GNB5: variants seen among roughly 807,000 people sequenced by gnomAD.
The protein encoded by GNB5 is G protein subunit beta 5.
A neutral mutation model predicts 55.3 loss-of-function variants in GNB5; 37 were observed. The ratio of observed to expected loss-of-function variants is 0.67; its 90% CI spans 0.51 to 0.88. GNB5 has a LOEUF of 0.88. Among genes scored for constraint, GNB5 ranks in the 40% least tolerant of loss-of-function variants. The probability of loss-of-function intolerance (pLI) is 0.00; values close to 1 mark genes in which losing one functional copy is unlikely to be tolerated. For synonymous variants in GNB5, 219 were observed against 198.5 expected (o/e 1.10, Z -0.87); for missense variants, 476 against 515.3 (o/e 0.92, Z 0.74).
intron 6 of GNB5, chr15:52,147,055 G>A (rs951465366): frequency 5.8e-6 from 1 of 173,040 alleles, no homozygotes; most frequent in South Asian, 1.3e-4. Context: ...CAAAATGTTT[G>A]CAACGTTTAT....
intron 5 of GNB5, 163 bp downstream of exon 5, chr15:52,149,721 T>A: frequency 1.4e-6 from 1 of 708,816 alleles, no homozygotes; most frequent in Non-Finnish European, 2.6e-6. Context: ...GGCTGAGCTG[T>A]TCAAACACGG....
chr15:52,150,216 G>A (rs913656644), intron 4 of GNB5, among the ~76,000 whole-genome samples: 1 of 152,120 alleles, frequency 6.6e-6, no homozygotes, highest in Non-Finnish European at 1.5e-5. Context: ...TGCAAACCAC[G>A]CACAAATTGT....
In GNB5 at chr15:52,154,688, A is replaced by G. The variant is rs556530346; in HGVS notation, c.239-612T>C. ...CTGTGTGCCTAGCACTGGCCTGGAC[A>G]TGGCAGGTTCCTCATACACATGGCG... On this transcript the variant is annotated intron_variant, in intron 3 of 12. Coordinates refer to ENST00000261837, the MANE Select transcript of GNB5 (RefSeq NM_016194.4). 2.6e-5 allele frequency among the ~76,000 whole-genome samples: 4 copies of G among 152,348 alleles called. No individual in the cohort carries two copies. In the South Asian group the frequency reaches 6.2e-4, roughly 24 times the overall value.
chr15:52,160,140 G>A (rs569271145), intron 3 of GNB5, among the ~76,000 whole-genome samples: 33 of 152,164 alleles, frequency 2.2e-4, no homozygotes, highest in African/African-American at 7.9e-4. Flanking sequence ...TAGAGATGGG[G>A]TTGCACCATG....
rs1194924461 is a variant in GNB5 at position 52,184,464 on chromosome 15, G to C, written c.126+87C>G. On this transcript the variant is annotated intron_variant, in intron 2 of 12. Coordinates refer to ENST00000261837, the MANE Select transcript of GNB5 (RefSeq NM_016194.4). The stretch of plus-strand genomic sequence containing the variant: ...ATACTGAAAAGTGTGTGTTATATAA[G>C]CTGATTCTATGGCATCTCATCTGTC... 2.2e-5 allele frequency: 25 copies of C among 1,149,206 alleles called. No homozygotes were observed. The East Asian group carries it at 4.7e-4, about 22-fold the overall frequency. The allele number at this position is 1,149,206 out of a possible 1,614,324, so 71.2% of individuals were successfully genotyped here.
chr15:52,154,409 C>A (rs533383830), intron 3 of GNB5, among the ~76,000 whole-genome samples: 1 of 152,302 alleles, frequency 6.6e-6, no homozygotes, highest in Non-Finnish European at 1.5e-5. Flanking sequence ...CCTTTAAGGG[C>A]CACAGCTCTA....
chr15:52,143,166 G>GAA (rs71130133), intron 6 of GNB5, among the ~76,000 whole-genome samples: 44 of 142,136 alleles, frequency 3.1e-4, no homozygotes, highest in Middle Eastern at 3.6e-3. Context: ...AAAAAAAAGA[G>GAA]AAAAAAAAAA....
Position 52,157,664 on chromosome 15 carries a change from G to C in GNB5, c.239-3588C>G, listed in dbSNP as rs114186694. Reference sequence around the variant, plus strand: ...CTTCCCCCAATTCAGCATTAGGATAGCCATAGCTTTTTGATAATTTCCCTT... The same window carrying C: ...CTTCCCCCAATTCAGCATTAGGATACCCATAGCTTTTTGATAATTTCCCTT... On this transcript the variant is annotated intron_variant, in intron 3 of 12. Transcript: ENST00000261837. 5.4e-3 allele frequency among the ~76,000 whole-genome samples: 825 copies of C among 152,210 alleles called. 9 individuals carry two copies. The highest frequency in any genetic ancestry group is 0.019 in the African/African-American group (795 of 41,542).
intron 12 of GNB5, chr15:52,123,440 T>A (rs1490058562): frequency 2.6e-5 from 4 of 151,824 alleles, no homozygotes; most frequent in Non-Finnish European, 2.9e-5. Flanking sequence ...ACCTCATGCA[T>A]GCCTTTGTCA....
intron 1 of GNB5, among the ~76,000 whole-genome samples, chr15:52,188,039 CCAA>C (rs1454409431): frequency 2.0e-5 from 3 of 152,064 alleles, no homozygotes; most frequent in Non-Finnish European, 2.9e-5. Context: ...ATGCCCTACA[CCAA>C]CAACTGACCT....
At chr15:52,139,865 G>C in intron 7 of GNB5, 1 of 1,286,654 alleles carries the variant, frequency 7.8e-7, no homozygotes, top group Non-Finnish European at 1.0e-6. Flanking sequence ...CACAGAGCGA[G>C]TCTGATGGGT....
chr15:52,163,561 G>A (rs1473944676), intron 3 of GNB5, among the ~76,000 whole-genome samples: 1 of 152,218 alleles, frequency 6.6e-6, no homozygotes, highest in Non-Finnish European at 1.5e-5. Context: ...GCTCCTGGGA[G>A]TCAGGGTGGT....
Position 52,117,102 on chromosome 15 carries a change from A to ATATATATATATTTTTTTTTT in GNB5, c.*5654_*5655insAAAAAAAAAATATATATATA. On this transcript the variant is annotated 3_prime_UTR_variant, in exon 13 of 13. Coordinates refer to ENST00000261837, the MANE Select transcript of GNB5 (RefSeq NM_016194.4). ...CCACGCCCAGCTAATATATATATATATTTTTTTTTAGTACAGACAGGGTTT... is the reference window on the plus strand; with the variant it reads ...CCACGCCCAGCTAATATATATATATATATATATATATTTTTTTTTTTTTTTTTTTAGTACAGACAGGGTTT... 42 of 87,094 alleles carry ATATATATATATTTTTTTTTT rather than the reference A, an allele frequency of 4.8e-4. 3 individuals carry two copies. Among genetic ancestry groups the ATATATATATATTTTTTTTTT allele is most frequent in the African/African-American group, 2.5e-3 (41 of 16,440 alleles). 5.4% of individuals were successfully genotyped at this position (87,094 alleles called of 1,614,324 possible).
At chr15:52,179,907 A>G (rs1297927337) in intron 2 of GNB5, 28 bp from the exon 3 acceptor site, 22 of 1,498,636 alleles carry the variant, frequency 1.5e-5, no homozygotes, top group Non-Finnish European at 1.6e-5. Flanking sequence ...GCGGAGAGGG[A>G]AGCGGAGAGC....
At position 52,191,305 on chromosome 15, in the gene GNB5, T is replaced by A. The variant is rs771199041; in HGVS notation, c.-19+17A>T. On this transcript the variant is annotated intron_variant, in intron 1 of 12. Transcript: ENST00000261837. ...CAAAAGCTGGAGTATTTTAACCGAA[T>A]GTCAGCATGCACATACCTTCCAGAG... The A allele has an allele frequency of 1.3e-5, 2 of 152,332 alleles. No homozygotes were observed. Among genetic ancestry groups the A allele is most frequent in the Non-Finnish European group, 2.9e-5 (2 of 68,082 alleles). The allele number at this position is 152,332 out of a possible 1,614,324, so 9.4% of individuals were successfully genotyped here.
rs2033156274 is a variant in GNB5, at chr15:52,117,072, T to TGCC, written c.*5682_*5684dup. On this transcript the variant is annotated 3_prime_UTR_variant, in exon 13 of 13. Transcript: ENST00000261837. ...CCGAGCAGCTGGGACTACAGGCACC[T>TGCC]GCCACCACGCCCAGCTAATATATAT... 7.4e-6 allele frequency: 1 copy of TGCC among 134,358 alleles called. No individual in the cohort carries two copies. Among genetic ancestry groups the TGCC allele is most frequent in the Non-Finnish European group, 1.6e-5 (1 of 61,498 alleles). The allele number at this position is 134,358 out of a possible 1,614,324, so 8.3% of individuals were successfully genotyped here. A position where few individuals can be genotyped will look rare whatever the true frequency, so the allele number is the denominator to read the frequency against.
At chr15:52,162,797 G>C (rs1002994012) in intron 3 of GNB5, 1 of 152,162 alleles carries the variant, frequency 6.6e-6, no homozygotes, top group Non-Finnish European at 1.5e-5. Context: ...ATTACAACCA[G>C]TTACAGATTT....
chr15:52,180,282 C>G (rs2034746412), intron 2 of GNB5: 1 of 155,424 alleles, frequency 6.4e-6, no homozygotes, highest in African/African-American at 2.4e-5. Context: ...ATGGCCCTCC[C>G]ATCCCCAAGC....
At chr15:52,156,197 A>C (rs2034204289) in intron 3 of GNB5, among the ~76,000 whole-genome samples, 1 of 152,180 alleles carries the variant, frequency 6.6e-6, no homozygotes, top group African/African-American at 2.4e-5. Context: ...TTGATCTTCA[A>C]ATTGTCCCAG....
Sources: allele counts gnomAD v4.1 joint callset (sites outside exome capture counted in the v4.1 genomes callset), GRCh38; gene constraint gnomAD v4.1.1; transcripts MANE v1.5; gene names NCBI Gene and HGNC (gene_info 2026-07-23, HGNC 2026-07-21).